Variants in FADS1 observed in about 807,000 individuals in gnomAD.
The protein encoded by FADS1 is acyl-CoA (8-3)-desaturase.
In FADS1, 17 loss-of-function variants were observed where a neutral mutation model predicts 61.6. The ratio of observed to expected loss-of-function variants is 0.28; its 90% CI spans 0.19 to 0.41. The LOEUF is 0.41. FADS1 is among the 10% of genes least tolerant of loss of function. FADS1 has a pLI of 1.00. For missense variants in FADS1, 387 were observed against 650.9 expected (o/e 0.59, Z 4.41); for synonymous variants, 238 against 258.7 (o/e 0.92, Z 0.77).
rs752171570 is a variant in FADS1 at position 61,812,643 on chromosome 11, T to TC, written c.511dup (p.Glu171GlyfsTer67). 1.2e-6 allele frequency: 2 copies of TC among 1,614,034 alleles called. No individual in the cohort carries two copies. The highest frequency in any genetic ancestry group is 3.3e-5 in the Admixed American group (2 of 60,018). ...CATCCGCTCCACTGTGGCCCGCAGC[T>TC]CCCGGAACTCATCTGTCAGCTCTTT... On this transcript the variant is annotated frameshift_variant, in exon 3 of 12. Transcript: ENST00000350997. LOFTEE classifies it high-confidence loss of function.
rs2066882807 is a variant in FADS1 at position 61,804,879 on chromosome 11, G to A, written c.977-118C>T. 4 of 830,282 alleles carry A rather than the reference G, an allele frequency of 4.8e-6. 1 individual carries two copies. The highest frequency in any genetic ancestry group is 4.3e-5 in the South Asian group (3 of 69,286). 51.4% of individuals were successfully genotyped at this position (830,282 alleles called of 1,614,324 possible). A position where few individuals can be genotyped will look rare whatever the true frequency, so the allele number is the denominator to read the frequency against. ...GCTGCCTCTTCCAACCATCCCTTCT[G>A]TCTCCCCTCCAGGTGCTTGAGTGCT... On this transcript the variant is annotated intron_variant, in intron 6 of 11. Transcript: ENST00000350997.
chr11:61,808,290 C>T (rs1163747728), intron 5 of FADS1, among the ~76,000 whole-genome samples: 2 of 151,464 alleles, frequency 1.3e-5, no homozygotes, highest in South Asian at 2.1e-4. Context: ...GAGCTGAGAC[C>T]GCACCATTGC....
At chr11:61,804,215 C>T in intron 7 of FADS1, 1 of 215,668 alleles carries the variant, frequency 4.6e-6, no homozygotes, top group South Asian at 8.8e-5. Context: ...CAGAGTTCAT[C>T]CCCCCTGCTC....
At chr11:61,808,998 T>C (rs1273572084) in intron 5 of FADS1, among the ~76,000 whole-genome samples, 1 of 152,224 alleles carries the variant, frequency 6.6e-6, no homozygotes, top group Non-Finnish European at 1.5e-5. Context: ...CCCATTGCTA[T>C]TGGAATAAAA....
chr11:61,813,395 C>G (rs753711296), intron 1 of FADS1, 42 bp from the exon 2 acceptor site: 9 of 1,196,874 alleles, frequency 7.5e-6, no homozygotes, highest in Non-Finnish European at 1.1e-5. Flanking sequence ...GGAGCCAGCC[C>G]CCTGGACTCC....
rs1193031373 is a variant in FADS1, at chr11:61,803,125, T to C, written c.1249-14A>G. 6.2e-7 allele frequency: 1 copy of C among 1,613,544 alleles called. No individual in the cohort carries two copies. The highest frequency in any genetic ancestry group is 1.3e-5 in the African/African-American group (1 of 74,848). ...TGTGGCCTGGAGCTGGCGGAAAAGG[T>C]CAGGGGAGAGCATGTTGAATATCAG... On this transcript the variant is annotated splice_polypyrimidine_tract_variant and intron_variant, in intron 9 of 11. Coordinates refer to ENST00000350997, the MANE Select transcript of FADS1 (RefSeq NM_013402.7). This position sits in a 1 kb window ranked among gnomAD's most constrained non-coding sequence, Gnocchi z 4.3.
At chr11:61,809,488 C>T (rs2066917746) in intron 5 of FADS1, among the ~76,000 whole-genome samples, 1 of 152,180 alleles carries the variant, frequency 6.6e-6, no homozygotes, top group African/African-American at 2.4e-5. Flanking sequence ...ACCACAGGCA[C>T]ATGCCAACTG....
At position 61,802,032 on chromosome 11, in the gene FADS1, C is replaced by T; in HGVS notation, c.*379G>A. ...GGTAGCTGGGATTACAGGCGCGTGC[C>T]ACCACGCCCGGCATGAGTGGAATTT... On this transcript the variant is annotated 3_prime_UTR_variant, in exon 12 of 12. Coordinates refer to ENST00000350997, the MANE Select transcript of FADS1 (RefSeq NM_013402.7). This position sits in a 1 kb window ranked among gnomAD's most constrained non-coding sequence, Gnocchi z 4.2. 1 of 231,086 alleles carries T rather than the reference C, an allele frequency of 4.3e-6. No homozygotes were observed. Among genetic ancestry groups the T allele is most frequent in the East Asian group, 1.1e-4 (1 of 9,420 alleles). 14.3% of individuals were successfully genotyped at this position (231,086 alleles called of 1,614,324 possible).
In FADS1 at chr11:61,816,782, C is replaced by T. The variant is rs965904915; in HGVS notation, c.148G>A (p.Ala50Thr). ...STRLTAPAGP[A>T]RGVARPAMAP... Reference sequence around the variant, plus strand: ...ATAGCTGGCCTGGCGACGCCGCGCGCCGGGCCAGCAGGGGCTGTCAGGCGC... The same window carrying T: ...ATAGCTGGCCTGGCGACGCCGCGCGTCGGGCCAGCAGGGGCTGTCAGGCGC... The change falls in exon 1 of 12, where the codon GCG (alanine) becomes ACG (threonine). Residue 50 changes from alanine (A) to threonine (T), a missense_variant. Transcript: ENST00000350997. This position sits in a 1 kb window ranked among gnomAD's most constrained non-coding sequence, Gnocchi z 7.0. The T allele has an allele frequency of 6.6e-7, 1 of 1,519,260 alleles. No homozygotes were observed. Among genetic ancestry groups the T allele is most frequent in the Non-Finnish European group, 8.8e-7 (1 of 1,139,362 alleles). 94.1% of individuals were successfully genotyped at this position (1,519,260 alleles called of 1,614,324 possible).
Position 61,803,268 on chromosome 11 carries a change from G to T in FADS1, c.1248+95C>A. The stretch of plus-strand genomic sequence containing the variant: ...AAGAGCCTCAGGCTAATGAGAAAAT[G>T]CTGTTTGGGGGACTTTTTGTTTTTG... On this transcript the variant is annotated intron_variant, in intron 9 of 11. Transcript: ENST00000350997. This position sits in a 1 kb window ranked among gnomAD's most constrained non-coding sequence, Gnocchi z 4.3. 1 of 1,269,442 alleles carries T rather than the reference G, an allele frequency of 7.9e-7. No homozygotes were observed. Among genetic ancestry groups the T allele is most frequent in the Non-Finnish European group, 1.2e-6 (1 of 866,668 alleles). The allele number at this position is 1,269,442 out of a possible 1,614,324, so 78.6% of individuals were successfully genotyped here. A position where few individuals can be genotyped will look rare whatever the true frequency, so the allele number is the denominator to read the frequency against.
chr11:61,806,622 C>T, intron 6 of FADS1, 42 bp downstream of exon 6: 1 of 1,539,368 alleles, frequency 6.5e-7, no homozygotes, highest in Non-Finnish European at 9.0e-7. Context: ...CCTCAGCATT[C>T]CCTCCTGAGG....
rs1412480833 is a variant in FADS1, at chr11:61,800,542, A to C, written c.*1869T>G. On this transcript the variant is annotated 3_prime_UTR_variant, in exon 12 of 12. Coordinates refer to ENST00000350997, the MANE Select transcript of FADS1 (RefSeq NM_013402.7). The stretch of plus-strand genomic sequence containing the variant: ...AACCTTCCATGTCTTTTTGTTGACA[A>C]ACCTCTAACCTTCCATGTCTTTGTG... The C allele has an allele frequency of 6.6e-6, 1 of 152,320 alleles. No individual in the cohort carries two copies. The highest frequency in any genetic ancestry group is 1.5e-5 in the Non-Finnish European group (1 of 68,024). The allele number at this position is 152,320 out of a possible 1,614,324, so 9.4% of individuals were successfully genotyped here. A position where few individuals can be genotyped will look rare whatever the true frequency, so the allele number is the denominator to read the frequency against.
intron 6 of FADS1, chr11:61,806,359 A>G (rs2066894697): frequency 3.2e-6 from 1 of 307,906 alleles, no homozygotes; most frequent in Admixed American, 4.3e-5. Flanking sequence ...AAAAAAAAAA[A>G]AAAAAAGATA....
chr11:61,806,348 C>CAA lies in FADS1; in HGVS notation c.976+314_976+315dup, dbSNP rs59417762. The CAA allele has an allele frequency of 9.1e-3, 1,414 of 155,926 alleles. 5 individuals are homozygous for CAA. The highest frequency in any genetic ancestry group is 0.018 in the African/African-American group (483 of 27,148). The allele number at this position is 155,926 out of a possible 1,614,324, so 9.7% of individuals were successfully genotyped here. Reference sequence around the variant, plus strand: ...TGGGCGACAGAGCAAGACTCCGTCTCAAAAAAAAAAAAAAAAAGATAAGGT... The same window carrying CAA: ...TGGGCGACAGAGCAAGACTCCGTCTCAAAAAAAAAAAAAAAAAAAGATAAGGT... On this transcript the variant is annotated intron_variant, in intron 6 of 11. Transcript: ENST00000350997.
At position 61,812,385 on chromosome 11, in the gene FADS1, CA is replaced by C. The variant is rs1236138642; in HGVS notation, c.684+85del. 2.4e-6 allele frequency: 3 copies of C among 1,228,272 alleles called. No individual in the cohort carries two copies. The African/African-American group carries it at 4.5e-5, about 18-fold the overall frequency. The allele number at this position is 1,228,272 out of a possible 1,614,324, so 76.1% of individuals were successfully genotyped here. On this transcript the variant is annotated intron_variant, in intron 3 of 11. Transcript: ENST00000350997. ...AGATCTGCCCTGCTTGGAGGGCAGG[CA>C]CTCTTGGCCTTCCTCAAACACCCAA...
At chr11:61,804,108 C>T (rs558668056) in intron 7 of FADS1, 8 of 332,212 alleles carry the variant, frequency 2.4e-5, no homozygotes, top group Middle Eastern at 1.7e-3. Flanking sequence ...GATCAAATCT[C>T]TCATCACTGA....
At position 61,808,668 on chromosome 11, in the gene FADS1, C is replaced by A. The variant is rs370669242; in HGVS notation, c.916-1944G>T. On this transcript the variant is annotated intron_variant, in intron 5 of 11. Transcript: ENST00000350997. ...GATGGGGCTCCTTTCCATAACAGTT[C>A]CACAATAGGAAGCCCCCAAGCAAGG... Among the ~76,000 whole-genome samples, 124 of 152,196 alleles carry A rather than the reference C, an allele frequency of 8.1e-4. 1 individual carries two copies. Among genetic ancestry groups the A allele is most frequent in the Non-Finnish European group, 1.6e-3 (108 of 68,026 alleles).
chr11:61,804,372 T>C (rs1478800371), intron 7 of FADS1: 2 of 337,878 alleles, frequency 5.9e-6, no homozygotes, highest in Non-Finnish European at 1.1e-5. Context: ...TTCTGCTTCA[T>C]CAGAAGTTTC....
At chr11:61,804,794 G>A in intron 6 of FADS1, 33 bp from the exon 7 acceptor site, 1 of 1,591,640 alleles carries the variant, frequency 6.3e-7, no homozygotes, top group Non-Finnish European at 8.6e-7. Context: ...GAGGAGGCAT[G>A]AGCACAGGAA....
Sources: allele counts gnomAD v4.1 joint callset (sites outside exome capture counted in the v4.1 genomes callset), GRCh38; gene constraint gnomAD v4.1.1; non-coding constraint Gnocchi (gnomAD v3.1); transcripts MANE v1.5; gene names NCBI Gene and HGNC (gene_info 2026-07-23, HGNC 2026-07-21).